SNX17: variants seen among roughly 807,000 people sequenced by gnomAD.
The protein encoded by SNX17 is sorting nexin-17.
SNX17 carries 35 observed loss-of-function variants against 64.3 expected under a neutral mutation model. That is an observed-to-expected ratio of 0.54 (90% CI 0.42 to 0.72). The LOEUF is 0.72. SNX17 is among the 30% of genes least tolerant of loss of function. SNX17 has a pLI of 0.00. For synonymous variants in SNX17, 259 were observed against 230.2 expected (o/e 1.13, Z -1.13); for missense variants, 538 against 610.0 (o/e 0.88, Z 1.24).
chr2:27,373,122 A>T, intron 3 of SNX17, 125 bp from the exon 4 acceptor site: 1 of 1,592,896 alleles, frequency 6.3e-7, no homozygotes, highest in Non-Finnish European at 8.6e-7. Flanking sequence ...AGGTGAGGCC[A>T]GCTGGGGGAT....
intron 1 of SNX17, among the ~76,000 whole-genome samples, 191 bp from the exon 2 acceptor site, chr2:27,371,078 A>C (rs923999740): frequency 1.6e-4 from 24 of 152,350 alleles, no homozygotes; most frequent in African/African-American, 5.5e-4. Flanking sequence ...TGAGACTGCA[A>C]CACAAGCGTC....
Position 27,376,607 on chromosome 2 carries a change from G to A in SNX17, c.1301G>A (p.Ser434Asn). 1 of 1,614,210 alleles carries A rather than the reference G, an allele frequency of 6.2e-7. No individual in the cohort carries two copies. Among genetic ancestry groups the A allele is most frequent in the Non-Finnish European group, 8.5e-7 (1 of 1,180,036 alleles). ...GACCCCACCCTGCCTTTGTTACAGA[G>A]TAAGCTGAGTGCCGTGAGCTTGCGG... ...ATRESMVKLS[S>N]KLSAVSLRGI... The change falls in exon 15 of 15, where the codon AGT (serine) becomes AAT (asparagine). Residue 434 changes from serine to asparagine, a missense_variant and splice_region_variant. Transcript: ENST00000233575.
rs1683048945 is a variant in SNX17, at chr2:27,375,208, G to C, written c.774+55G>C. 1 of 1,509,324 alleles carries C rather than the reference G, an allele frequency of 6.6e-7. No individual in the cohort carries two copies. The highest frequency in any genetic ancestry group is 1.7e-5 in the Admixed American group (1 of 58,032). The allele number at this position is 1,509,324 out of a possible 1,614,324, so 93.5% of individuals were successfully genotyped here. On this transcript the variant is annotated intron_variant, in intron 9 of 14. Coordinates refer to ENST00000233575, the MANE Select transcript of SNX17 (RefSeq NM_014748.4). This position sits in a 1 kb window ranked among gnomAD's most constrained non-coding sequence, Gnocchi z 4.1. ...TAAGGGCTTGCAGTGGCGCGATCTT[G>C]GCTCACTGCAAGCTCTGCCTCTCAG...
intron 6 of SNX17, 55 bp downstream of exon 6, chr2:27,374,230 C>G: frequency 6.5e-7 from 1 of 1,544,194 alleles, no homozygotes; most frequent in Non-Finnish European, 8.9e-7. Context: ...GAGTTTGCAG[C>G]CCCCCTAACT....
In SNX17 at chr2:27,374,186, C is replaced by T. The variant is rs758629944; in HGVS notation, c.523+11C>T. The T allele has an allele frequency of 6.2e-7, 1 of 1,611,022 alleles. No individual in the cohort carries two copies. The highest frequency in any genetic ancestry group is 1.3e-5 in the African/African-American group (1 of 74,890). ...ATGGAGCCTTTTCTTGTGAGTTTCTCTGGACTTGACTGCAGTACAAGGGTA... is the reference window on the plus strand; with the variant it reads ...ATGGAGCCTTTTCTTGTGAGTTTCTTTGGACTTGACTGCAGTACAAGGGTA... On this transcript the variant is annotated intron_variant, in intron 6 of 14. Transcript: ENST00000233575.
At position 27,373,927 on chromosome 2, in the gene SNX17, C is replaced by G; in HGVS notation, c.388C>G (p.Leu130Val). The part of the protein sequence containing the change: ...EVLLSNGQKV[L>V]VNVLTSDQTE... ...GCTGCTCAGCAACGGGCAGAAAGTT[C>G]TGGTCAACGTGCTAACTTCAGATCA... is the stretch of plus-strand genomic sequence containing the variant. The change falls in exon 5 of 15, where the codon CTG becomes GTG. Residue 130 changes from leucine (L) to valine (V), a missense_variant. By Grantham distance (32) the Leu-to-Val change is conservative. Transcript: ENST00000233575. 1 of 1,614,176 alleles carries G rather than the reference C, an allele frequency of 6.2e-7. No individual in the cohort carries two copies. Among genetic ancestry groups the G allele is most frequent in the South Asian group, 1.1e-5 (1 of 91,074 alleles).
At position 27,375,829 on chromosome 2, in the gene SNX17, T is replaced by C. The variant is rs1217779414; in HGVS notation, c.979-17T>C. The C allele has an allele frequency of 9.9e-6, 16 of 1,613,066 alleles. No individual in the cohort carries two copies. Among genetic ancestry groups the C allele is most frequent in the Non-Finnish European group, 1.1e-5 (13 of 1,179,566 alleles). On this transcript the variant is annotated splice_polypyrimidine_tract_variant and intron_variant, in intron 10 of 14. Coordinates refer to ENST00000233575, the MANE Select transcript of SNX17 (RefSeq NM_014748.4). The surrounding 1 kb of genome is among the most constrained non-coding windows in gnomAD (Gnocchi z 4.1). ...TTGGTCAGAGTGAACTCAACCGAAT[T>C]CCCCTTCCTCTCCCAGGTACCATTG...
Position 27,377,304 on chromosome 2 carries a change from C to T in SNX17, c.*585C>T, listed in dbSNP as rs1471863160. 16 of 648,930 alleles carry T rather than the reference C, an allele frequency of 2.5e-5. No individual in the cohort carries two copies. Among genetic ancestry groups the T allele is most frequent in the Non-Finnish European group, 4.5e-5 (16 of 359,028 alleles). The allele number at this position is 648,930 out of a possible 1,614,324, so 40.2% of individuals were successfully genotyped here. ...TAAACAGGTGGGAGGCTGGGCAGTC[C>T]CCCAGCCGGTTTGTCCACAGCCCCT... On this transcript the variant is annotated 3_prime_UTR_variant, in exon 15 of 15. Coordinates refer to ENST00000233575, the MANE Select transcript of SNX17 (RefSeq NM_014748.4). This position sits in a 1 kb window ranked among gnomAD's most constrained non-coding sequence, Gnocchi z 4.4.
Position 27,372,731 on chromosome 2 carries a change from ATGCAAGC to A in SNX17, c.250_256del (p.Gln84PhefsTer49), listed in dbSNP as rs1558302330. 1 of 1,614,180 alleles carries A rather than the reference ATGCAAGC, an allele frequency of 6.2e-7. No individual in the cohort carries two copies. The highest frequency in any genetic ancestry group is 8.5e-7 in the Non-Finnish European group (1 of 1,180,022). On this transcript the variant is annotated frameshift_variant and splice_region_variant, in exon 3 of 15. Coordinates refer to ENST00000233575, the MANE Select transcript of SNX17 (RefSeq NM_014748.4). LOFTEE classifies it high-confidence loss of function. ...GAGGAGAGAGCAGTTAGAGAAGTAC[ATGCAAGC>A]TGGTGAGTGGTTGCAGGAAACTAGG...
At position 27,375,887 on chromosome 2, in the gene SNX17, C is replaced by T; in HGVS notation, c.1020C>T (p.Gly340=). The T allele has an allele frequency of 6.2e-7, 1 of 1,614,178 alleles. No individual in the cohort carries two copies. Among genetic ancestry groups the T allele is most frequent in the South Asian group, 1.1e-5 (1 of 91,092 alleles). The change falls in exon 11 of 15, where the codon GGC becomes GGT. Residue 340 remains glycine, a synonymous_variant. Coordinates refer to ENST00000233575, the MANE Select transcript of SNX17 (RefSeq NM_014748.4). The surrounding 1 kb of genome is among the most constrained non-coding windows in gnomAD (Gnocchi z 4.1). The part of the protein sequence containing the change: ...PSGSTSSPGR[G]RGEVRLELAF... Reference sequence around the variant, plus strand: ...GAAGCACGAGCAGCCCAGGCCGGGGCCGGGGTGAGGTGCGCCTGGAACTGG... The same window carrying T: ...GAAGCACGAGCAGCCCAGGCCGGGGTCGGGGTGAGGTGCGCCTGGAACTGG...
intron 4 of SNX17, chr2:27,373,565 G>A: frequency 1.9e-6 from 1 of 535,980 alleles, no homozygotes; most frequent in Non-Finnish European, 3.3e-6. Flanking sequence ...GTTTTGCCGT[G>A]TTGGCCTGGC....
Position 27,376,774 on chromosome 2 carries a change from C to A in SNX17, c.*55C>A. ...CCCAGAGGAATTTACAGAAACTTGC[C>A]CTGTGCCTGTGTCCCCCATGCTAGG... On this transcript the variant is annotated 3_prime_UTR_variant, in exon 15 of 15. Transcript: ENST00000233575. 1 of 1,448,420 alleles carries A rather than the reference C, an allele frequency of 6.9e-7. No homozygotes were observed. Among genetic ancestry groups the A allele is most frequent in the South Asian group, 1.2e-5 (1 of 86,318 alleles). 89.7% of individuals were successfully genotyped at this position (1,448,420 alleles called of 1,614,324 possible).
At chr2:27,373,360 G>T in intron 4 of SNX17, 49 bp downstream of exon 4, 1 of 1,592,190 alleles carries the variant, frequency 6.3e-7, no homozygotes. Context: ...CTTGCTGGAA[G>T]GTCATGTCTT....
intron 2 of SNX17, 98 bp downstream of exon 2, chr2:27,371,441 G>C: frequency 6.8e-7 from 1 of 1,479,922 alleles, no homozygotes; most frequent in East Asian, 2.4e-5. Flanking sequence ...CCCGTAGGCT[G>C]TAGTTCCCCT....
In SNX17 at chr2:27,376,814, T is replaced by C; in HGVS notation, c.*95T>C. On this transcript the variant is annotated 3_prime_UTR_variant, in exon 15 of 15. Coordinates refer to ENST00000233575, the MANE Select transcript of SNX17 (RefSeq NM_014748.4). ...CCCATGCTAGGGGCGGAGGGGTCTT[T>C]TCCTTCTTCTTTCCTACCTACCCCT... 11 of 1,009,124 alleles carry C rather than the reference T, an allele frequency of 1.1e-5. No homozygotes were observed. The highest frequency in any genetic ancestry group is 1.7e-5 in the Non-Finnish European group (11 of 665,746). 62.5% of individuals were successfully genotyped at this position (1,009,124 alleles called of 1,614,324 possible).
chr2:27,371,221 T>C, intron 1 of SNX17, 48 bp from the exon 2 acceptor site: 1 of 1,563,902 alleles, frequency 6.4e-7, no homozygotes. Context: ...CTCAGGGGGG[T>C]TGCGCAGACC....
rs1250417800 is a variant in SNX17, at chr2:27,374,452, A to AG, written c.611+23dup. 6.5e-7 allele frequency: 1 copy of AG among 1,531,498 alleles called. No individual in the cohort carries two copies. Among genetic ancestry groups the AG allele is most frequent in the Non-Finnish European group, 9.0e-7 (1 of 1,105,062 alleles). The allele number at this position is 1,531,498 out of a possible 1,614,324, so 94.9% of individuals were successfully genotyped here. A position where few individuals can be genotyped will look rare whatever the true frequency, so the allele number is the denominator to read the frequency against. ...GGAAGAGGTCAGGGCTGGGCCTGGA[A>AG]GGGGAGGGGTGGGAGGTGCTGTGCT... On this transcript the variant is annotated intron_variant, in intron 7 of 14. Coordinates refer to ENST00000233575, the MANE Select transcript of SNX17 (RefSeq NM_014748.4).
Position 27,376,137 on chromosome 2 carries a change from T to C in SNX17, c.1136T>C (p.Met379Thr). 1 of 1,614,148 alleles carries C rather than the reference T, an allele frequency of 6.2e-7. No homozygotes were observed. Among genetic ancestry groups the C allele is most frequent in the Non-Finnish European group, 8.5e-7 (1 of 1,180,030 alleles). ...ATGATGAGCATCTGCTTGCAGTCCA[T>C]GGTTGATGAACTGATGGTGAAGAAA... is the stretch of plus-strand genomic sequence containing the variant. ...AIMMSICLQS[M>T]VDELMVKKSG... The change falls in exon 12 of 15, where the codon ATG (methionine) becomes ACG (threonine). Residue 379 changes from methionine to threonine, a missense_variant. Coordinates refer to ENST00000233575, the MANE Select transcript of SNX17 (RefSeq NM_014748.4).
At chr2:27,371,626 C>G (rs1682559972) in intron 2 of SNX17, 1 of 327,642 alleles carries the variant, frequency 3.1e-6, no homozygotes, top group East Asian at 6.1e-5. Context: ...CCAACCCCTC[C>G]CCCCACTACC....
Sources: allele counts gnomAD v4.1 joint callset (sites outside exome capture counted in the v4.1 genomes callset), GRCh38; gene constraint gnomAD v4.1.1; non-coding constraint Gnocchi (gnomAD v3.1); transcripts MANE v1.5; gene names NCBI Gene and HGNC (gene_info 2026-07-23, HGNC 2026-07-21).